BLMH: variants seen among roughly 807,000 people sequenced by gnomAD.
BLMH encodes bleomycin hydrolase, also known as BLM hydrolase.
Under a neutral mutation model 61.6 loss-of-function variants are expected in BLMH, and 32 were observed. The observed-to-expected ratio is 0.52, with a 90% CI of 0.39 to 0.70. BLMH has a LOEUF of 0.70. Ranked by LOEUF, BLMH falls within the 30% of genes least tolerant of loss-of-function variation. The probability of loss-of-function intolerance (pLI) is 0.00; values close to 1 mark genes in which losing one functional copy is unlikely to be tolerated. For missense variants in BLMH, 460 were observed against 555.5 expected (o/e 0.83, Z 1.73); for synonymous variants, 183 against 193.8 (o/e 0.94, Z 0.46).
chr17:30,273,746 T>C, intron 7 of BLMH: 2 of 394,918 alleles, frequency 5.1e-6, no homozygotes, highest in South Asian at 3.0e-5. Flanking sequence ...CACACTTTCA[T>C]TGTTTTGCAC....
At chr17:30,291,563 T>TG (rs1908890698) in intron 1 of BLMH, 55 bp from the exon 2 acceptor site, 1 of 1,590,968 alleles carries the variant, frequency 6.3e-7, no homozygotes, top group South Asian at 1.1e-5. Flanking sequence ...AGGGCTGATC[T>TG]GGGGCTCCCG....
intron 11 of BLMH, among the ~76,000 whole-genome samples, chr17:30,265,362 C>G (rs982245587): frequency 2.6e-5 from 4 of 152,114 alleles, no homozygotes; most frequent in African/African-American, 9.7e-5. Flanking sequence ...TCTTCTAAAA[C>G]AGCAATTTTT....
chr17:30,283,697 A>AT (rs1373776861), intron 6 of BLMH, among the ~76,000 whole-genome samples: 1 of 151,586 alleles, frequency 6.6e-6, no homozygotes, highest in African/African-American at 2.4e-5. Context: ...AATTATTTGT[A>AT]TTTTAGTAGA....
chr17:30,251,070 C>T (rs1242105323), intron 11 of BLMH, among the ~76,000 whole-genome samples: 2 of 152,110 alleles, frequency 1.3e-5, no homozygotes, highest in African/African-American at 2.4e-5. Context: ...ATATAATGGA[C>T]TTTGGGCACT....
chr17:30,262,377 CTA>C (rs1214350948), intron 11 of BLMH, among the ~76,000 whole-genome samples: 1 of 152,192 alleles, frequency 6.6e-6, no homozygotes, highest in Admixed American at 6.6e-5. Flanking sequence ...ATCAAATACA[CTA>C]TTATTTGCAT....
chr17:30,266,711 T>A (rs1908120591), intron 11 of BLMH, among the ~76,000 whole-genome samples, 174 bp downstream of exon 11: 2 of 152,032 alleles, frequency 1.3e-5, no homozygotes, highest in South Asian at 4.1e-4. Context: ...AGGCATGCCA[T>A]AATGGTCAGG....
intron 11 of BLMH, among the ~76,000 whole-genome samples, chr17:30,252,703 G>C (rs1206819796): frequency 2.0e-5 from 3 of 152,036 alleles, no homozygotes; most frequent in Non-Finnish European, 4.4e-5. Context: ...CAAGTGCTCC[G>C]ACCAAGGCAG....
chr17:30,261,348 G>A (rs78195235), intron 11 of BLMH, among the ~76,000 whole-genome samples: 5 of 152,194 alleles, frequency 3.3e-5, no homozygotes, highest in African/African-American at 1.2e-4. Context: ...ACTCTACTCT[G>A]ATGTCATGAG....
chr17:30,269,182 T>A (rs1325370560), intron 10 of BLMH, among the ~76,000 whole-genome samples: 16 of 145,730 alleles, frequency 1.1e-4, no homozygotes, highest in South Asian at 8.6e-4. Context: ...TATTTATTGT[T>A]TTTTTTTTTT....
intron 7 of BLMH, 62 bp downstream of exon 7, chr17:30,273,980 T>C (rs1597663308): frequency 6.3e-7 from 1 of 1,576,766 alleles, no homozygotes; most frequent in Non-Finnish European, 8.7e-7. Flanking sequence ...CTTATACAAT[T>C]CCCTGTGGTT....
chr17:30,285,251 A>G, intron 6 of BLMH, 137 bp downstream of exon 6: 1 of 630,062 alleles, frequency 1.6e-6, no homozygotes, highest in Non-Finnish European at 2.6e-6. Context: ...CAGTTTTTTC[A>G]GTGTAAAATA....
chr17:30,265,770 T>G (rs934106524), intron 11 of BLMH, among the ~76,000 whole-genome samples: 1 of 152,166 alleles, frequency 6.6e-6, no homozygotes, highest in African/African-American at 2.4e-5. Context: ...CCAGCACACA[T>G]GAATCTACAT....
At chr17:30,278,830 T>C (rs1364209527) in intron 6 of BLMH, among the ~76,000 whole-genome samples, 1 of 152,124 alleles carries the variant, frequency 6.6e-6, no homozygotes, top group Non-Finnish European at 1.5e-5. Context: ...CCACCATGCC[T>C]GGCTAATTTT....
intron 11 of BLMH, among the ~76,000 whole-genome samples, chr17:30,255,990 G>A (rs943996315): frequency 2.6e-5 from 4 of 152,172 alleles, no homozygotes; most frequent in African/African-American, 7.2e-5. Flanking sequence ...GGGGACATGC[G>A]ATCCTCCCAC....
chr17:30,262,510 C>A (rs951041744), intron 11 of BLMH, among the ~76,000 whole-genome samples: 1 of 152,066 alleles, frequency 6.6e-6, no homozygotes, highest in Non-Finnish European at 1.5e-5. Context: ...AACTAAATAA[C>A]CTTGGCCGGG....
At chr17:30,273,169 T>C (rs1017613339) in intron 7 of BLMH, 3 of 271,658 alleles carry the variant, frequency 1.1e-5, no homozygotes, top group Non-Finnish European at 2.1e-5. Context: ...AAAGCAATTT[T>C]TTTTTTTTTT....
At chr17:30,250,874 T>C (rs895452590) in intron 11 of BLMH, among the ~76,000 whole-genome samples, 6 of 152,180 alleles carry the variant, frequency 3.9e-5, no homozygotes, top group Admixed American at 3.9e-4. Context: ...AAATGTGATA[T>C]TTATACATCA....
At chr17:30,249,210 G>A (rs1277753568) in intron 11 of BLMH, 42 bp from the exon 12 acceptor site, 3 of 1,602,172 alleles carry the variant, frequency 1.9e-6, no homozygotes, top group East Asian at 2.2e-5. Flanking sequence ...AGAGGGCAAG[G>A]GACAAAGAGC....
Position 30,289,471 on chromosome 17 carries a change from T to C in BLMH, c.223A>G (p.Ile75Val). 6.2e-7 allele frequency: 1 copy of C among 1,610,368 alleles called. No individual in the cohort carries two copies. Among genetic ancestry groups the C allele is most frequent in the Non-Finnish European group, 8.5e-7 (1 of 1,177,940 alleles). The stretch of plus-strand genomic sequence containing the variant: ...CTCATAACATTCAGACAAGAAAAGA[T>C]CCAGCATCGCCCTGAAACAAGAAAG... ...TNQKSSGRCW[I>V]FSCLNVMRLP... Residue 75 changes from isoleucine (I) to valine (V), a missense_variant, in exon 3 of 12, where the codon ATC becomes GTC. Ile to Val is a conservative substitution (Grantham distance 29). Around this residue, in one of 5 missense-constraint regions of BLMH, gnomAD observed 7 missense variants for 22.6 expected, o/e 0.31. Coordinates refer to ENST00000261714, the MANE Select transcript of BLMH (RefSeq NM_000386.4).
Sources: allele counts gnomAD v4.1 joint callset (sites outside exome capture counted in the v4.1 genomes callset), GRCh38; gene constraint gnomAD v4.1.1; regional missense constraint gnomAD v4.1.1; transcripts MANE v1.5; gene names NCBI Gene and HGNC (gene_info 2026-07-23, HGNC 2026-07-21).